Variants in SPON1 observed in about 807,000 individuals in gnomAD.
SPON1 encodes spondin-1.
A neutral mutation model predicts 111.7 loss-of-function variants in SPON1; 52 were observed. The observed-to-expected ratio is 0.47, with a 90% confidence interval of 0.37 to 0.59. The LOEUF (loss-of-function observed/expected upper bound fraction) is 0.59. Among genes scored for constraint, SPON1 ranks in the 20% least tolerant of loss-of-function variants. The probability of loss-of-function intolerance (pLI) is 0.00; values close to 1 mark genes in which losing one functional copy is unlikely to be tolerated. For synonymous variants in SPON1, 410 were observed against 395.8 expected, an observed-to-expected ratio of 1.04 and a Z score of -0.43; for missense variants, 957 against 1,068.5, an observed-to-expected ratio of 0.90 and a Z score of 1.46.
rs183198545 is a variant in SPON1 at position 13,979,918 on chromosome 11, T to G, written c.239-2929T>G. 1.8e-4 allele frequency among the ~76,000 whole-genome samples: 27 copies of G among 151,766 alleles called. 1 individual carries two copies. Among genetic ancestry groups the G allele is most frequent in the Admixed American group, 1.3e-3 (20 of 15,192 alleles). ...AGAGTCTAAGACTGCTTTTTGGCTG[T>G]CTGTCTGTCCTTCAGAGATTCCCAG... On this transcript the variant is annotated intron_variant, in intron 1 of 15. Coordinates refer to ENST00000576479, the MANE Select transcript of SPON1 (RefSeq NM_006108.4).
chr11:14,190,885 CA>C (rs1848340116), intron 6 of SPON1, among the ~76,000 whole-genome samples: 2 of 151,992 alleles, frequency 1.3e-5, no homozygotes, highest in African/African-American at 4.8e-5. Context: ...ATGATCTACC[CA>C]CCTCGGCCTC....
chr11:14,207,418 A>G (rs782619572), intron 6 of SPON1, among the ~76,000 whole-genome samples: 25 of 152,248 alleles, frequency 1.6e-4, no homozygotes, highest in Non-Finnish European at 2.9e-4. Flanking sequence ...AACAGAGTAA[A>G]CAGACAACCT....
chr11:14,231,488 A>G (rs1260504945), intron 6 of SPON1, among the ~76,000 whole-genome samples: 4 of 152,120 alleles, frequency 2.6e-5, no homozygotes, highest in Non-Finnish European at 4.4e-5. Flanking sequence ...ATCAAAAGAT[A>G]TATAATAAGG....
chr11:13,988,037 C>T (rs1412761574), intron 2 of SPON1, among the ~76,000 whole-genome samples: 2 of 152,124 alleles, frequency 1.3e-5, no homozygotes, highest in African/African-American at 2.4e-5. Context: ...CTATTGCGGG[C>T]TCTTTTTTGG....
chr11:14,137,504 GC>G (rs140902958), intron 6 of SPON1, among the ~76,000 whole-genome samples: 2 of 151,934 alleles, frequency 1.3e-5, no homozygotes, highest in Non-Finnish European at 2.9e-5. Flanking sequence ...TCTACTTTTC[GC>G]CCCCCTCACA....
rs560163298 is a variant in SPON1, at chr11:14,126,789, T to G, written c.677-8631T>G. 2.0e-3 allele frequency among the ~76,000 whole-genome samples: 301 copies of G among 152,318 alleles called. 1 individual carries two copies. The highest frequency in any genetic ancestry group is 7.0e-3 in the African/African-American group (291 of 41,562). On this transcript the variant is annotated intron_variant, in intron 5 of 15. Transcript: ENST00000576479. ...CACAAGCTTTAACCTCGTCTCCTTT[T>G]TCCCAGCCCTCCTGATACCTGAGTC... is the stretch of plus-strand genomic sequence containing the variant.
chr11:13,984,422 AG>A (rs1375338768), intron 2 of SPON1, among the ~76,000 whole-genome samples: 1 of 152,176 alleles, frequency 6.6e-6, no homozygotes, highest in Non-Finnish European at 1.5e-5. Flanking sequence ...TCTCATATCA[AG>A]GTACCTGCAT....
intron 2 of SPON1, among the ~76,000 whole-genome samples, chr11:14,033,541 AAAAG>A (rs1848573786): frequency 6.6e-6 from 1 of 152,186 alleles, no homozygotes; most frequent in Non-Finnish European, 1.5e-5. Context: ...TCAGATCTGA[AAAAG>A]AAAAGCCCAT....
intron 6 of SPON1, among the ~76,000 whole-genome samples, chr11:14,189,425 G>A (rs1369063992): frequency 6.6e-6 from 1 of 152,106 alleles, no homozygotes; most frequent in Non-Finnish European, 1.5e-5. Flanking sequence ...TACTACCAGG[G>A]CTCATTTGCA....
intron 6 of SPON1, among the ~76,000 whole-genome samples, chr11:14,200,419 A>G (rs190347388): frequency 2.0e-5 from 3 of 152,374 alleles, no homozygotes; most frequent in East Asian, 1.9e-4. Flanking sequence ...CATAGCAAAA[A>G]GAACAATATT....
chr11:14,120,078 A>T (rs543626895), intron 5 of SPON1, among the ~76,000 whole-genome samples: 79 of 152,222 alleles, frequency 5.2e-4, no homozygotes, highest in African/African-American at 1.8e-3. Context: ...TCTGGATCCT[A>T]ATCCTGGCTC....
chr11:14,013,295 TG>T (rs1197229587), intron 2 of SPON1, among the ~76,000 whole-genome samples: 5 of 152,210 alleles, frequency 3.3e-5, no homozygotes, highest in African/African-American at 1.2e-4. Flanking sequence ...TCAGTAAAGG[TG>T]GGCATGGGGA....
At chr11:14,118,337 A>T (rs1849281155) in intron 5 of SPON1, among the ~76,000 whole-genome samples, 1 of 152,174 alleles carries the variant, frequency 6.6e-6, no homozygotes, top group Admixed American at 6.5e-5. Flanking sequence ...AACAATGTTT[A>T]TGTGTAAAAG....
chr11:14,033,292 A>C (rs1554916265), intron 2 of SPON1, among the ~76,000 whole-genome samples: 1 of 152,210 alleles, frequency 6.6e-6, no homozygotes, highest in Non-Finnish European at 1.5e-5. Context: ...CAAATGTCCC[A>C]GATGCCACTT....
At chr11:14,049,238 C>G (rs573308522) in intron 3 of SPON1, among the ~76,000 whole-genome samples, 6 of 152,170 alleles carry the variant, frequency 3.9e-5, no homozygotes, top group Non-Finnish European at 7.4e-5. Context: ...ACTCTTCTCT[C>G]CCTCCAACAT....
chr11:14,029,487 G>A (rs543707748), intron 2 of SPON1, among the ~76,000 whole-genome samples: 2 of 152,266 alleles, frequency 1.3e-5, no homozygotes, highest in Non-Finnish European at 2.9e-5. Flanking sequence ...AGAATGGTGA[G>A]GAAAACAGAA....
At chr11:14,176,035 G>A (rs6486173) in intron 6 of SPON1, among the ~76,000 whole-genome samples, 130,155 of 152,156 alleles carry the variant, frequency 0.86, 56,044 homozygotes, top group African/African-American at 0.96. Flanking sequence ...TCTACTCTAT[G>A]TGGGGACAGA....
intron 2 of SPON1, among the ~76,000 whole-genome samples, chr11:13,993,277 G>C (rs1334653948): frequency 6.6e-6 from 1 of 151,882 alleles, no homozygotes; most frequent in Non-Finnish European, 1.5e-5. Flanking sequence ...AGAAGGGGGT[G>C]GGGCTACCTG....
At position 14,135,275 on chromosome 11, in the gene SPON1, T is replaced by C. The variant is rs916900159; in HGVS notation, c.677-145T>C. 8 of 864,950 alleles carry C rather than the reference T, an allele frequency of 9.2e-6. No individual in the cohort carries two copies. The highest frequency in any genetic ancestry group is 1.7e-5 in the African/African-American group (1 of 59,706). 53.6% of individuals were successfully genotyped at this position (864,950 alleles called of 1,614,324 possible). A position where few individuals can be genotyped will look rare whatever the true frequency, so the allele number is the denominator to read the frequency against. ...GCTTATAGGAACTCAGTCTTATCAC[T>C]GAATGGCACAGGGCCTAAGACAGAA... On this transcript the variant is annotated intron_variant, in intron 5 of 15. Transcript: ENST00000576479. This position sits in a 1 kb window ranked among gnomAD's most constrained non-coding sequence, Gnocchi z 4.4.
Sources: gnomAD v4.1 joint callset for allele counts (sites outside exome capture counted in the v4.1 genomes callset) on GRCh38, gnomAD v4.1.1 for gene constraint, Gnocchi (gnomAD v3.1) non-coding constraint, MANE v1.5 for transcripts, NCBI Gene and HGNC (gene_info 2026-07-23, HGNC 2026-07-21) for gene names.